The following KIAA1958 variants were observed in gnomAD, a reference collection of about 807,000 sequenced individuals.
The protein encoded by KIAA1958 is uncharacterized protein KIAA1958.
A neutral mutation model predicts 47.2 loss-of-function variants in KIAA1958; 14 were observed. That is an observed-to-expected ratio of 0.30 (90% CI 0.20 to 0.46). KIAA1958 has a LOEUF of 0.46. Ranked by LOEUF, KIAA1958 falls within the 20% of genes least tolerant of loss-of-function variation. KIAA1958 has a pLI of 1.00. For synonymous variants in KIAA1958, 354 were observed against 353.3 expected (o/e 1.00, Z -0.02); for missense variants, 803 against 909.2 (o/e 0.88, Z 1.50).
chr9:112,571,927 C>A, intron 1 of KIAA1958, among the ~76,000 whole-genome samples: 3 of 145,202 alleles, frequency 2.1e-5, no homozygotes, highest in Admixed American at 6.8e-5. Flanking sequence ...TCTACTTTAA[C>A]CAAAGTTACA....
intron 1 of KIAA1958, among the ~76,000 whole-genome samples, chr9:112,487,488 G>T (rs965315366): frequency 1.3e-5 from 2 of 152,126 alleles, no homozygotes; most frequent in African/African-American, 4.8e-5. Flanking sequence ...GTCTGTCGGA[G>T]GTGGGAAGGA....
At position 112,574,449 on chromosome 9, in the gene KIAA1958, C is replaced by G. The variant is rs1243878611; in HGVS notation, c.369C>G (p.Ser123=). ...GGACCAGAGACTCTTGTGACTTCTCCTACTGTAGTGAGCCCTCTGAACTGG... is the reference window on the plus strand; with the variant it reads ...GGACCAGAGACTCTTGTGACTTCTCGTACTGTAGTGAGCCCTCTGAACTGG... ...CNRTRDSCDF[S]YCSEPSELDE... is the part of the protein sequence containing the mutation. Residue 123 remains serine, a synonymous_variant, in exon 2 of 4, where the codon TCC becomes TCG. Coordinates refer to ENST00000337530, the MANE Select transcript of KIAA1958 (RefSeq NM_133465.4). 6.2e-7 allele frequency: 1 copy of G among 1,614,150 alleles called. No individual in the cohort carries two copies. The highest frequency in any genetic ancestry group is 1.3e-5 in the African/African-American group (1 of 75,052).
chr9:112,519,922 A>G (rs996081969), intron 1 of KIAA1958, among the ~76,000 whole-genome samples: 1 of 151,824 alleles, frequency 6.6e-6, no homozygotes, highest in Non-Finnish European at 1.5e-5. Flanking sequence ...ATATAAATAC[A>G]TCAGCTTGTC....
At chr9:112,560,276 C>G (rs966350082) in intron 1 of KIAA1958, among the ~76,000 whole-genome samples, 2 of 147,754 alleles carry the variant, frequency 1.4e-5, no homozygotes, top group Non-Finnish European at 3.0e-5. Flanking sequence ...TCATAGTGCA[C>G]TATAACCTCA....
At chr9:112,487,467 C>T (rs1833880420) in intron 1 of KIAA1958, among the ~76,000 whole-genome samples, 3 of 152,014 alleles carry the variant, frequency 2.0e-5, no homozygotes, top group African/African-American at 7.2e-5. Context: ...CGCCCCCGCT[C>T]CTGCTCTTGG....
Position 112,574,879 on chromosome 9 carries a change from C to T in KIAA1958, c.799C>T (p.His267Tyr). The change falls in exon 2 of 4, where the codon CAC (histidine) becomes TAC (tyrosine). Residue 267 changes from histidine (H) to tyrosine (Y), a missense_variant. His to Tyr is a moderately conservative substitution (Grantham distance 83). Transcript: ENST00000337530. ...TSAISTELDPHGMSASPSVIS... is the reference protein window; with the variant it reads ...TSAISTELDPYGMSASPSVIS... Reference sequence around the variant, plus strand: ...TGCCATCAGCACGGAGCTAGACCCACACGGTATGTCTGCATCCCCCTCTGT... The same window carrying T: ...TGCCATCAGCACGGAGCTAGACCCATACGGTATGTCTGCATCCCCCTCTGT... 1 of 1,614,174 alleles carries T rather than the reference C, an allele frequency of 6.2e-7. No homozygotes were observed. The highest frequency in any genetic ancestry group is 8.5e-7 in the Non-Finnish European group (1 of 1,180,026).
intron 1 of KIAA1958, among the ~76,000 whole-genome samples, chr9:112,572,276 A>G (rs1480200513): frequency 6.6e-6 from 1 of 152,220 alleles, no homozygotes; most frequent in African/African-American, 2.4e-5. Flanking sequence ...AGAGAGTCTT[A>G]TACGTTCACT....
At chr9:112,610,201 A>G (rs1423330672) in intron 2 of KIAA1958, among the ~76,000 whole-genome samples, 2 of 152,090 alleles carry the variant, frequency 1.3e-5, no homozygotes, top group Admixed American at 1.3e-4. Context: ...AGCATTATAT[A>G]GCAAAACCTA....
At chr9:112,487,975 T>TG (rs1833898301) in intron 1 of KIAA1958, among the ~76,000 whole-genome samples, 1 of 93,328 alleles carries the variant, frequency 1.1e-5, no homozygotes, top group Non-Finnish European at 2.3e-5. Context: ...GTGTGTGTGT[T>TG]TTGAAGTTTA....
intron 1 of KIAA1958, among the ~76,000 whole-genome samples, chr9:112,527,244 A>T (rs1834673793): frequency 6.6e-6 from 1 of 152,232 alleles, no homozygotes; most frequent in Admixed American, 6.5e-5. Flanking sequence ...CACAGAAAGG[A>T]TACTGTAGTG....
At chr9:112,581,179 A>C (rs1178975063) in intron 2 of KIAA1958, among the ~76,000 whole-genome samples, 3 of 152,182 alleles carry the variant, frequency 2.0e-5, no homozygotes, top group Non-Finnish European at 4.4e-5. Flanking sequence ...TCTGAAACTC[A>C]GTTCCCTCAT....
rs117871416 is a variant in KIAA1958, at chr9:112,550,204, C to T, written c.-24-23853C>T. Among the ~76,000 whole-genome samples, 594 of 150,938 alleles carry T rather than the reference C, an allele frequency of 3.9e-3. 28 individuals carry two copies. In the East Asian group the frequency reaches 0.095, roughly 24 times the overall value. On this transcript the variant is annotated intron_variant, in intron 1 of 3. Transcript: ENST00000337530. ...CTTTGATGGAGAGTTTGAGGTAAAT[C>T]TGTTGATAAGTAACTAGTAACCATT...
At chr9:112,501,399 C>T (rs923748773) in intron 1 of KIAA1958, among the ~76,000 whole-genome samples, 2 of 151,802 alleles carry the variant, frequency 1.3e-5, no homozygotes, top group African/African-American at 2.4e-5. Context: ...GCTATAATGG[C>T]GCCGCTGCAT....
chr9:112,536,952 C>T (rs1411233689), intron 1 of KIAA1958, among the ~76,000 whole-genome samples: 33 of 151,940 alleles, frequency 2.2e-4, no homozygotes, highest in Non-Finnish European at 5.9e-5. Context: ...AAGAAATGGT[C>T]ATCATCAAGG....
At chr9:112,580,603 A>G (rs371521285) in intron 2 of KIAA1958, among the ~76,000 whole-genome samples, 1 of 152,156 alleles carries the variant, frequency 6.6e-6, no homozygotes, top group African/African-American at 2.4e-5. Context: ...CCTGGCCAAC[A>G]TGGTGAAACC....
At chr9:112,530,807 C>T (rs1258272418) in intron 1 of KIAA1958, among the ~76,000 whole-genome samples, 2 of 152,056 alleles carry the variant, frequency 1.3e-5, no homozygotes, top group Admixed American at 6.5e-5. Context: ...ATTGCTTAGT[C>T]TAAAAAAAGG....
At chr9:112,577,928 T>C (rs1280162492) in intron 2 of KIAA1958, among the ~76,000 whole-genome samples, 1 of 152,192 alleles carries the variant, frequency 6.6e-6, no homozygotes, top group Non-Finnish European at 1.5e-5. Context: ...AATTGTGATT[T>C]GGCTTTATTC....
intron 1 of KIAA1958, among the ~76,000 whole-genome samples, chr9:112,500,529 A>G (rs1165825728): frequency 5.9e-5 from 9 of 151,696 alleles, no homozygotes; most frequent in African/African-American, 1.9e-4. Context: ...GGCTTGAGCA[A>G]TCCTCCTGCC....
intron 2 of KIAA1958, among the ~76,000 whole-genome samples, chr9:112,601,679 C>T (rs549745879): frequency 2.0e-5 from 3 of 152,222 alleles, no homozygotes; most frequent in South Asian, 2.1e-4. Context: ...GATGAGAAAG[C>T]GGAGGAAGCT....
Sources: gnomAD v4.1 joint callset for allele counts (sites outside exome capture counted in the v4.1 genomes callset) on GRCh38, gnomAD v4.1.1 for gene constraint, MANE v1.5 for transcripts, NCBI Gene and HGNC (gene_info 2026-07-23, HGNC 2026-07-21) for gene names.